The following FBXO47 variants were observed in gnomAD, a reference collection of about 807,000 sequenced individuals.
FBXO47 encodes F-box only protein 47.
In FBXO47, 34 loss-of-function variants were observed where a neutral mutation model predicts 53.9. The ratio of observed to expected loss-of-function variants is 0.63; its 90% confidence interval spans 0.48 to 0.84. The LOEUF (loss-of-function observed/expected upper bound fraction) is 0.84, where lower values mean the gene tolerates loss of function less well. Among genes scored for constraint, FBXO47 ranks in the 40% least tolerant of loss-of-function variants. The probability of loss-of-function intolerance (pLI) is 0.00; values close to 1 mark genes in which losing one functional copy is unlikely to be tolerated. For missense variants in FBXO47, 485 were observed against 541.3 expected, an observed-to-expected ratio of 0.90 and a Z score of 1.03; for synonymous variants, 165 against 181.6, an observed-to-expected ratio of 0.91 and a Z score of 0.73.
At chr17:38,938,183 AT>A (rs1915629285) in intron 10 of FBXO47, among the ~76,000 whole-genome samples, 1 of 152,184 alleles carries the variant, frequency 6.6e-6, no homozygotes. Context: ...GTTAATTATC[AT>A]GTTGGTTACT....
intron 3 of FBXO47, among the ~76,000 whole-genome samples, chr17:38,960,614 A>T (rs1721779565): frequency 6.6e-6 from 1 of 151,742 alleles, no homozygotes; most frequent in Admixed American, 6.6e-5. Context: ...ACGATGAATT[A>T]AAAATAATTC....
At chr17:38,961,755 C>A (rs1437804467) in intron 3 of FBXO47, 122 bp downstream of exon 3, 2 of 818,732 alleles carry the variant, frequency 2.4e-6, no homozygotes, top group South Asian at 1.7e-5. Flanking sequence ...GTAAAAACAT[C>A]ATAGAAACAG....
At chr17:38,938,855 A>G in intron 9 of FBXO47, 123 bp from the exon 10 acceptor site, 2 of 746,534 alleles carry the variant, frequency 2.7e-6, no homozygotes, top group Non-Finnish European at 4.2e-6. Flanking sequence ...ACCTGACACC[A>G]TACTGAGTCT....
chr17:38,944,232 T>C (rs1250211596), intron 7 of FBXO47, among the ~76,000 whole-genome samples: 3 of 147,632 alleles, frequency 2.0e-5, no homozygotes, highest in Non-Finnish European at 4.5e-5. Flanking sequence ...TGTGTGTGTG[T>C]GTATGCTTCT....
chr17:38,946,811 T>TATATAA (rs1352130986), intron 6 of FBXO47, among the ~76,000 whole-genome samples: 13 of 78,276 alleles, frequency 1.7e-4, no homozygotes, highest in Non-Finnish European at 2.6e-4. Flanking sequence ...TATATAAACA[T>TATATAA]ATATAAATAT....
At chr17:38,954,670 A>G (rs553336064) in intron 5 of FBXO47, among the ~76,000 whole-genome samples, 186 bp downstream of exon 5, 1 of 152,340 alleles carries the variant, frequency 6.6e-6, no homozygotes, top group Admixed American at 6.5e-5. Flanking sequence ...TTTACCACTG[A>G]GAAACTCAAA....
intron 6 of FBXO47, among the ~76,000 whole-genome samples, 187 bp downstream of exon 6, chr17:38,951,394 A>G (rs977071235): frequency 1.3e-5 from 2 of 150,810 alleles, no homozygotes; most frequent in African/African-American, 4.9e-5. Context: ...AGGTCTCGCT[A>G]TGTTGCCTAG....
chr17:38,943,122 T>C (rs1455786732), intron 8 of FBXO47, among the ~76,000 whole-genome samples: 1 of 152,130 alleles, frequency 6.6e-6, no homozygotes, highest in Non-Finnish European at 1.5e-5. Flanking sequence ...CTCTTACAAA[T>C]GTACTAATAA....
intron 5 of FBXO47, among the ~76,000 whole-genome samples, chr17:38,953,191 C>T (rs1905391250): frequency 6.7e-6 from 1 of 149,550 alleles, no homozygotes; most frequent in African/African-American, 2.5e-5. Context: ...TGGTGGCAGG[C>T]CCCTGTAATC....
intron 5 of FBXO47, among the ~76,000 whole-genome samples, chr17:38,953,508 C>G (rs759418367): frequency 8.6e-5 from 13 of 151,940 alleles, no homozygotes; most frequent in Non-Finnish European, 1.9e-4. Context: ...ACCTGTAATC[C>G]CACCTACTTG....
chr17:38,942,507 A>T (rs9910329), intron 9 of FBXO47, among the ~76,000 whole-genome samples: 4,999 of 152,164 alleles, frequency 0.033, 247 homozygotes, highest in African/African-American at 0.099. Flanking sequence ...GGCAGGAGAA[A>T]TGCTTGAACA....
At chr17:38,946,444 ATATAAC>A (rs1373716427) in intron 6 of FBXO47, among the ~76,000 whole-genome samples, 40 of 97,026 alleles carry the variant, frequency 4.1e-4, no homozygotes, top group Admixed American at 2.6e-3. Context: ...ATATGAATAT[ATATAAC>A]TATATAAATA....
At position 38,936,843 on chromosome 17, in the gene FBXO47, T is replaced by A. The variant is rs1215482301; in HGVS notation, c.*332A>T. ...TTTGGGTCTAACTATAAAATGGAAT[T>A]TTCTCTTGCTTCAAAAATGCATACA... On this transcript the variant is annotated 3_prime_UTR_variant, in exon 11 of 11. Transcript: ENST00000378079. 2.2e-5 allele frequency: 4 copies of A among 182,490 alleles called. No individual in the cohort carries two copies. Among genetic ancestry groups the A allele is most frequent in the Non-Finnish European group, 4.5e-5 (4 of 88,846 alleles). 11.3% of individuals were successfully genotyped at this position (182,490 alleles called of 1,614,324 possible).
chr17:38,959,596 A>G (rs902326986), intron 3 of FBXO47, among the ~76,000 whole-genome samples: 1 of 150,568 alleles, frequency 6.6e-6, no homozygotes, highest in Non-Finnish European at 1.5e-5. Flanking sequence ...AAAAAAAAAA[A>G]AAAAAAAGAA....
At chr17:38,941,354 G>T (rs904326229) in intron 9 of FBXO47, among the ~76,000 whole-genome samples, 6 of 150,986 alleles carry the variant, frequency 4.0e-5, no homozygotes, top group Non-Finnish European at 7.4e-5. Context: ...ATTTTTAGTA[G>T]AGTTGGCATT....
intron 3 of FBXO47, among the ~76,000 whole-genome samples, chr17:38,958,604 C>A (rs550196715): frequency 6.6e-6 from 1 of 152,170 alleles, no homozygotes; most frequent in South Asian, 2.1e-4. Flanking sequence ...GTTAACATTC[C>A]TATGAGGGCA....
At position 38,945,243 on chromosome 17, in the gene FBXO47, T is replaced by C. The variant is rs996113952; in HGVS notation, c.617-107A>G. On this transcript the variant is annotated intron_variant, in intron 6 of 10. Coordinates refer to ENST00000378079, the MANE Select transcript of FBXO47 (RefSeq NM_001008777.3). ...ATCATTATGGTTAGTGATAGTAAACTAGGTTTCTAAACAGGAAGTAACCAA... is the reference window on the plus strand; with the variant it reads ...ATCATTATGGTTAGTGATAGTAAACCAGGTTTCTAAACAGGAAGTAACCAA... 4 of 772,690 alleles carry C rather than the reference T, an allele frequency of 5.2e-6. No homozygotes were observed. The African/African-American group carries it at 5.2e-5, about 10-fold the overall frequency. 47.9% of individuals were successfully genotyped at this position (772,690 alleles called of 1,614,324 possible).
Position 38,953,673 on chromosome 17 carries a change from G to GC in FBXO47, c.507+1182_507+1183insG, listed in dbSNP as rs372499485. Among the ~76,000 whole-genome samples the GC allele has an allele frequency of 5.5e-3, 838 of 152,074 alleles. 7 individuals are homozygous for GC. The highest frequency in any genetic ancestry group is 0.018 in the African/African-American group (767 of 41,484). ...AATAAAAACTAATCTTATTCCCTGT[G>GC]GAAGGACATACAAGAAACTGAAAAC... On this transcript the variant is annotated intron_variant, in intron 5 of 10. Transcript: ENST00000378079.
At chr17:38,957,090 A>C in intron 4 of FBXO47, 87 bp downstream of exon 4, 1 of 832,188 alleles carries the variant, frequency 1.2e-6, no homozygotes, top group Non-Finnish European at 1.9e-6. Flanking sequence ...AAATTCTACT[A>C]ATATAGAGTA....
Sources: gnomAD v4.1 joint callset for allele counts (sites outside exome capture counted in the v4.1 genomes callset) on GRCh38, gnomAD v4.1.1 for gene constraint, MANE v1.5 for transcripts, NCBI Gene and HGNC (gene_info 2026-07-23, HGNC 2026-07-21) for gene names.